Variants in FBXO45 observed in about 807,000 individuals in gnomAD.
FBXO45 encodes the protein F-box/SPRY domain-containing protein 1.
A neutral mutation model predicts 25.5 loss-of-function variants in FBXO45; 3 were observed. The ratio of observed to expected loss-of-function variants is 0.12; its 90% CI spans 0.05 to 0.30. The LOEUF is 0.30. Among genes scored for constraint, FBXO45 ranks in the 10% least tolerant of loss-of-function variants. The pLI is 1.00. For synonymous variants in FBXO45, 155 were observed against 149.8 expected, an observed-to-expected ratio of 1.03 and a Z score of -0.25; for missense variants, 219 against 365.0, an observed-to-expected ratio of 0.60 and a Z score of 3.26.
chr3:196,583,885 G>A (rs1736060031), intron 2 of FBXO45, among the ~76,000 whole-genome samples: 1 of 152,060 alleles, frequency 6.6e-6, no homozygotes, highest in Non-Finnish European at 1.5e-5. Context: ...TGAACTCCTG[G>A]GCTCAAGCAA....
rs1223558281 is a variant in FBXO45, at chr3:196,568,904, C to G, written c.-81C>G. The G allele has an allele frequency of 7.3e-6, 7 of 963,048 alleles. No homozygotes were observed. The highest frequency in any genetic ancestry group is 8.7e-6 in the Non-Finnish European group (7 of 808,722). 59.7% of individuals were successfully genotyped at this position (963,048 alleles called of 1,614,324 possible). ...GGCGGTGAGCGAGCCGCTCCGGTCTCCGGGCGAGGCTTGGCCTTCCGAGCA... is the reference window on the plus strand; with the variant it reads ...GGCGGTGAGCGAGCCGCTCCGGTCTGCGGGCGAGGCTTGGCCTTCCGAGCA... On this transcript the variant is annotated 5_prime_UTR_variant, in exon 1 of 3. Coordinates refer to ENST00000311630, the MANE Select transcript of FBXO45 (RefSeq NM_001105573.2).
rs1736083977 is a variant in FBXO45 at position 196,585,180 on chromosome 3, T to C, written c.*862T>C. 6.6e-6 allele frequency: 1 copy of C among 152,210 alleles called. No homozygotes were observed. The highest frequency in any genetic ancestry group is 1.5e-5 in the Non-Finnish European group (1 of 68,042). The allele number at this position is 152,210 out of a possible 1,614,324, so 9.4% of individuals were successfully genotyped here. On this transcript the variant is annotated 3_prime_UTR_variant, in exon 3 of 3. Transcript: ENST00000311630. The stretch of plus-strand genomic sequence containing the variant: ...GCAAATCTATTTCTAATTATACATA[T>C]ATCAGTAAGGATGATCTCAACATAA...
chr3:196,576,437 A>G (rs1735915337), intron 1 of FBXO45, among the ~76,000 whole-genome samples: 1 of 152,078 alleles, frequency 6.6e-6, no homozygotes, highest in Non-Finnish European at 1.5e-5. Flanking sequence ...AACCCCAGCT[A>G]CTCGGAAGAC....
chr3:196,570,182 T>C (rs1174877216), intron 1 of FBXO45, among the ~76,000 whole-genome samples: 1 of 152,120 alleles, frequency 6.6e-6, no homozygotes, highest in East Asian at 1.9e-4. Flanking sequence ...TCAATCAAGA[T>C]CATATATAAG....
intron 1 of FBXO45, among the ~76,000 whole-genome samples, chr3:196,576,005 A>G (rs2108727082): frequency 6.6e-6 from 1 of 152,306 alleles, no homozygotes; most frequent in South Asian, 2.1e-4. Context: ...TTTTGGTCTT[A>G]TAAGTGCCTT....
chr3:196,586,648 A>G lies in FBXO45; in HGVS notation c.*2330A>G, dbSNP rs912244737. On this transcript the variant is annotated 3_prime_UTR_variant, in exon 3 of 3. Coordinates refer to ENST00000311630, the MANE Select transcript of FBXO45 (RefSeq NM_001105573.2). ...TGAGGAGAGCATTTCGGTAGAAGACAGTTGCGCCTGAAGATTGAGTGTAAA... is the reference window on the plus strand; with the variant it reads ...TGAGGAGAGCATTTCGGTAGAAGACGGTTGCGCCTGAAGATTGAGTGTAAA... 1 of 152,210 alleles carries G rather than the reference A, an allele frequency of 6.6e-6. No individual in the cohort carries two copies. The highest frequency in any genetic ancestry group is 1.5e-5 in the Non-Finnish European group (1 of 68,048). The allele number at this position is 152,210 out of a possible 1,614,324, so 9.4% of individuals were successfully genotyped here.
At position 196,569,004 on chromosome 3, in the gene FBXO45, G is replaced by A. The variant is rs1205951937; in HGVS notation, c.20G>A (p.Gly7Glu). The change falls in exon 1 of 3, where the codon GGG (glycine) becomes GAG (glutamate). Residue 7 changes from glycine to glutamate, a missense_variant. Physicochemically the swap from Gly to Glu is moderately conservative, Grantham distance 98. This residue lies in a region of FBXO45 where 138 missense variants were observed against 157.3 expected (regional missense o/e 0.88). Coordinates refer to ENST00000311630, the MANE Select transcript of FBXO45 (RefSeq NM_001105573.2). The surrounding 1 kb of genome is among the most constrained non-coding windows in gnomAD (Gnocchi z 4.1). ...GAGGCGATGGCGGCGCCGGCCCCGG[G>A]GGCTGGGGCAGCCTCGGGCGGCGCT... MAAPAP[G>E]AGAASGGAGC... The A allele has an allele frequency of 2.0e-6, 2 of 996,888 alleles. No individual in the cohort carries two copies. The allele number at this position is 996,888 out of a possible 1,614,324, so 61.8% of individuals were successfully genotyped here. A position where few individuals can be genotyped will look rare whatever the true frequency, so the allele number is the denominator to read the frequency against.
Position 196,585,112 on chromosome 3 carries a change from A to C in FBXO45, c.*794A>C, listed in dbSNP as rs533291492. On this transcript the variant is annotated 3_prime_UTR_variant, in exon 3 of 3. Transcript: ENST00000311630. Reference sequence around the variant, plus strand: ...TGTTTTTGTTTTTACTCTCAAAATCATAGTAAAGATCTCTCAGTCTCCTGG... The same window carrying C: ...TGTTTTTGTTTTTACTCTCAAAATCCTAGTAAAGATCTCTCAGTCTCCTGG... 1 of 152,190 alleles carries C rather than the reference A, an allele frequency of 6.6e-6. No homozygotes were observed. The highest frequency in any genetic ancestry group is 1.5e-5 in the Non-Finnish European group (1 of 68,032). The allele number at this position is 152,190 out of a possible 1,614,324, so 9.4% of individuals were successfully genotyped here.
Position 196,568,935 on chromosome 3 carries a change from G to T in FBXO45, c.-50G>T. 1 of 986,204 alleles carries T rather than the reference G, an allele frequency of 1.0e-6. No homozygotes were observed. Among genetic ancestry groups the T allele is most frequent in the Non-Finnish European group, 1.2e-6 (1 of 829,022 alleles). 61.1% of individuals were successfully genotyped at this position (986,204 alleles called of 1,614,324 possible). A position where few individuals can be genotyped will look rare whatever the true frequency, so the allele number is the denominator to read the frequency against. On this transcript the variant is annotated 5_prime_UTR_variant, in exon 1 of 3. Transcript: ENST00000311630. ...GAGGCTTGGCCTTCCGAGCAGAGACGGCGGGAAGCGGCGGCGGCAGCGGCG... is the reference window on the plus strand; with the variant it reads ...GAGGCTTGGCCTTCCGAGCAGAGACTGCGGGAAGCGGCGGCGGCAGCGGCG...
chr3:196,577,539 C>T lies in FBXO45; in HGVS notation c.405C>T (p.Asn135=). 6.2e-7 allele frequency: 1 copy of T among 1,613,990 alleles called. No individual in the cohort carries two copies. Among genetic ancestry groups the T allele is most frequent in the Non-Finnish European group, 8.5e-7 (1 of 1,179,862 alleles). The change falls in exon 2 of 3, where the codon AAC becomes AAT. Residue 135 remains asparagine, a synonymous_variant. Coordinates refer to ENST00000311630, the MANE Select transcript of FBXO45 (RefSeq NM_001105573.2). The part of the protein sequence containing the change: ...IKKNGFTLHR[N]PIAQSTDGAR... ...AGAATGGCTTTACTTTACATCGAAA[C>T]CCCATTGCTCAGAGCACTGATGGTG...
At position 196,587,422 on chromosome 3, in the gene FBXO45, T is replaced by G. The variant is rs1327333338; in HGVS notation, c.*3104T>G. The stretch of plus-strand genomic sequence containing the variant: ...AATAAGACACCAAAAGAAAGTAAGA[T>G]TTACCCAGTTAATATTTAAAATCAT... On this transcript the variant is annotated 3_prime_UTR_variant, in exon 3 of 3. Coordinates refer to ENST00000311630, the MANE Select transcript of FBXO45 (RefSeq NM_001105573.2). 1 of 152,238 alleles carries G rather than the reference T, an allele frequency of 6.6e-6. No homozygotes were observed. The highest frequency in any genetic ancestry group is 1.5e-5 in the Non-Finnish European group (1 of 68,044). The allele number at this position is 152,238 out of a possible 1,614,324, so 9.4% of individuals were successfully genotyped here.
At chr3:196,575,222 A>G (rs1317514423) in intron 1 of FBXO45, among the ~76,000 whole-genome samples, 1 of 152,160 alleles carries the variant, frequency 6.6e-6, no homozygotes, top group African/African-American at 2.4e-5. Context: ...TGCGGAGGCC[A>G]AGGCAGGCGG....
Position 196,577,518 on chromosome 3 carries a change from T to C in FBXO45, c.384T>C (p.Asn128=), listed in dbSNP as rs1321003849. 6.2e-7 allele frequency: 1 copy of C among 1,613,858 alleles called. No individual in the cohort carries two copies. The highest frequency in any genetic ancestry group is 1.3e-5 in the African/African-American group (1 of 74,944). Reference sequence around the variant, plus strand: ...CCAGGAATGTCTACATTAAGAAGAATGGCTTTACTTTACATCGAAACCCCA... The same window carrying C: ...CCAGGAATGTCTACATTAAGAAGAACGGCTTTACTTTACATCGAAACCCCA... ...DCSRNVYIKK[N]GFTLHRNPIA... The change falls in exon 2 of 3, where the codon AAT becomes AAC. Residue 128 remains asparagine (N), a synonymous_variant. Coordinates refer to ENST00000311630, the MANE Select transcript of FBXO45 (RefSeq NM_001105573.2).
In FBXO45 at chr3:196,569,324, C is replaced by T; in HGVS notation, c.318+22C>T. 1 of 1,486,654 alleles carries T rather than the reference C, an allele frequency of 6.7e-7. No homozygotes were observed. Among genetic ancestry groups the T allele is most frequent in the Non-Finnish European group, 9.1e-7 (1 of 1,102,428 alleles). 92.1% of individuals were successfully genotyped at this position (1,486,654 alleles called of 1,614,324 possible). ...CAAGGTGAGAGAGCCCCGGGCCACACCGCTGCCCCCAGTCCCGCTCCCCGG... is the reference window on the plus strand; with the variant it reads ...CAAGGTGAGAGAGCCCCGGGCCACATCGCTGCCCCCAGTCCCGCTCCCCGG... On this transcript the variant is annotated intron_variant, in intron 1 of 2. Coordinates refer to ENST00000311630, the MANE Select transcript of FBXO45 (RefSeq NM_001105573.2). The surrounding 1 kb of genome is among the most constrained non-coding windows in gnomAD (Gnocchi z 4.1).
intron 1 of FBXO45, among the ~76,000 whole-genome samples, chr3:196,576,558 A>T (rs955533419): frequency 6.6e-6 from 1 of 152,226 alleles, no homozygotes. Flanking sequence ...AAAAAAATTT[A>T]AAATACACAA....
Position 196,584,108 on chromosome 3 carries a change from C to A in FBXO45, c.676-25C>A. The A allele has an allele frequency of 6.2e-7, 1 of 1,607,668 alleles. No homozygotes were observed. Among genetic ancestry groups the A allele is most frequent in the South Asian group, 1.1e-5 (1 of 89,852 alleles). ...AGCTACACCCTTGGCAGATTTTCTT[C>A]TAACCTTTTGATATCTGTTTGCAGA... On this transcript the variant is annotated intron_variant, in intron 2 of 2. Coordinates refer to ENST00000311630, the MANE Select transcript of FBXO45 (RefSeq NM_001105573.2). This position sits in a 1 kb window ranked among gnomAD's most constrained non-coding sequence, Gnocchi z 4.3.
intron 1 of FBXO45, among the ~76,000 whole-genome samples, chr3:196,572,227 C>A (rs1323909580): frequency 2.0e-5 from 3 of 152,348 alleles, no homozygotes; most frequent in South Asian, 4.1e-4. Context: ...GCACTATGCT[C>A]ATTTGCAGAT....
rs1736184726 is a variant in FBXO45, at chr3:196,588,812, A to G, written c.*4494A>G. ...GTTTTAGACTATAGAAGCAAAAATT[A>G]TAGTAGCAAAAGATGAATGAGAAAT... On this transcript the variant is annotated 3_prime_UTR_variant, in exon 3 of 3. Transcript: ENST00000311630. This position sits in a 1 kb window ranked among gnomAD's most constrained non-coding sequence, Gnocchi z 4.2. The G allele has an allele frequency of 6.6e-6, 1 of 152,176 alleles. No homozygotes were observed. The highest frequency in any genetic ancestry group is 6.5e-5 in the Admixed American group (1 of 15,278). The allele number at this position is 152,176 out of a possible 1,614,324, so 9.4% of individuals were successfully genotyped here. A position where few individuals can be genotyped will look rare whatever the true frequency, so the allele number is the denominator to read the frequency against.
At chr3:196,571,712 A>G (rs1349027124) in intron 1 of FBXO45, among the ~76,000 whole-genome samples, 1 of 152,196 alleles carries the variant, frequency 6.6e-6, no homozygotes, top group Non-Finnish European at 1.5e-5. Context: ...CTCTCCATGT[A>G]TGCAACCTGT....
Sources: gnomAD v4.1 joint callset for allele counts (sites outside exome capture counted in the v4.1 genomes callset) on GRCh38, gnomAD v4.1.1 for gene constraint, gnomAD v4.1.1 regional missense constraint, Gnocchi (gnomAD v3.1) non-coding constraint, MANE v1.5 for transcripts, NCBI Gene and HGNC (gene_info 2026-07-23, HGNC 2026-07-21) for gene names.